Variants in CTNND2 observed in about 807,000 individuals in gnomAD.
CTNND2 encodes the protein catenin delta 2.
Under a neutral mutation model 144.4 loss-of-function variants are expected in CTNND2, and 22 were observed. The observed-to-expected ratio is 0.15, with a 90% CI of 0.11 to 0.22. The LOEUF (loss-of-function observed/expected upper bound fraction) is 0.22, where lower values mean the gene tolerates loss of function less well. CTNND2 is among the 10% of genes least tolerant of loss of function. CTNND2 has a pLI of 1.00. For synonymous variants in CTNND2, 751 were observed against 695.6 expected (o/e 1.08, Z -1.25); for missense variants, 1,353 against 1,618.8 (o/e 0.84, Z 2.82).
At chr5:11,199,881 G>A (rs1008476077) in intron 10 of CTNND2, among the ~76,000 whole-genome samples, 30 of 152,234 alleles carry the variant, frequency 2.0e-4, no homozygotes, top group East Asian at 1.9e-4. Flanking sequence ...TATTTCTTTC[G>A]AACTATAGAA....
At chr5:11,553,860 T>C (rs1037163070) in intron 3 of CTNND2, among the ~76,000 whole-genome samples, 7 of 152,130 alleles carry the variant, frequency 4.6e-5, no homozygotes, top group African/African-American at 7.2e-5. Flanking sequence ...ATTAGTTATA[T>C]TGATTGTTTT....
intron 16 of CTNND2, among the ~76,000 whole-genome samples, chr5:11,037,054 G>T (rs1014042391): frequency 1.3e-5 from 2 of 152,086 alleles, no homozygotes; most frequent in South Asian, 2.1e-4. Context: ...CACAATAATG[G>T]TCAACAATTT....
At chr5:11,035,046 C>A (rs1743921040) in intron 16 of CTNND2, among the ~76,000 whole-genome samples, 1 of 141,592 alleles carries the variant, frequency 7.1e-6, no homozygotes, top group Non-Finnish European at 1.5e-5. Flanking sequence ...CAGCAGTCCC[C>A]AGAGTGTGAT....
chr5:11,644,016 A>T (rs2126514163), intron 2 of CTNND2, among the ~76,000 whole-genome samples: 1 of 152,358 alleles, frequency 6.6e-6, no homozygotes, highest in East Asian at 1.9e-4. Context: ...CATAAAGCAG[A>T]CCAATGATTG....
intron 12 of CTNND2, among the ~76,000 whole-genome samples, chr5:11,157,879 C>T (rs965237081): frequency 6.6e-6 from 1 of 152,172 alleles, no homozygotes; most frequent in Non-Finnish European, 1.5e-5. Flanking sequence ...GATGGGGAGT[C>T]ATTCTGGTCT....
intron 3 of CTNND2, among the ~76,000 whole-genome samples, chr5:11,477,787 G>A (rs953528012): frequency 1.3e-5 from 2 of 152,074 alleles, no homozygotes; most frequent in African/African-American, 2.4e-5. Flanking sequence ...AATCTATGAG[G>A]GATTCCTTTT....
intron 1 of CTNND2, among the ~76,000 whole-genome samples, chr5:11,889,087 T>C (rs1736775159): frequency 6.6e-6 from 1 of 152,158 alleles, no homozygotes; most frequent in Non-Finnish European, 1.5e-5. Context: ...TTTCACGGCA[T>C]GTACCAACCT....
At chr5:11,056,910 C>A (rs1304391176) in intron 16 of CTNND2, among the ~76,000 whole-genome samples, 1 of 152,160 alleles carries the variant, frequency 6.6e-6, no homozygotes, top group Non-Finnish European at 1.5e-5. Flanking sequence ...GATTCAGGAG[C>A]CTTCAGGTCT....
At chr5:11,591,320 A>G (rs141125992) in intron 2 of CTNND2, among the ~76,000 whole-genome samples, 205 of 152,350 alleles carry the variant, frequency 1.3e-3, no homozygotes, top group African/African-American at 4.7e-3. Context: ...AAACTGCAGA[A>G]TAGAATTAAA....
At chr5:11,059,253 C>T (rs1421086915) in intron 16 of CTNND2, among the ~76,000 whole-genome samples, 2 of 152,164 alleles carry the variant, frequency 1.3e-5, no homozygotes, top group African/African-American at 4.8e-5. Context: ...TCCCACAATT[C>T]CCACATGTCA....
rs1738080551 is a variant in CTNND2 at position 11,903,560 on chromosome 5, G to A, written c.37+257C>T. 6.6e-6 allele frequency among the ~76,000 whole-genome samples: 1 copy of A among 152,126 alleles called. No homozygotes were observed. Reference sequence around the variant, plus strand: ...CTCCCGGGGAGATGGGTGGCAGGGAGGGGGAGCACGCAGGGCAGCCACTTG... The same window carrying A: ...CTCCCGGGGAGATGGGTGGCAGGGAAGGGGAGCACGCAGGGCAGCCACTTG... On this transcript the variant is annotated intron_variant, in intron 1 of 21. Transcript: ENST00000304623. This position sits in a 1 kb window ranked among gnomAD's most constrained non-coding sequence, Gnocchi z 5.4.
chr5:11,141,874 A>C (rs1486775101), intron 12 of CTNND2, among the ~76,000 whole-genome samples: 1 of 152,204 alleles, frequency 6.6e-6, no homozygotes, highest in Admixed American at 6.5e-5. Flanking sequence ...CAGTGTTGAG[A>C]AGTGGGAACT....
intron 16 of CTNND2, among the ~76,000 whole-genome samples, chr5:11,051,633 G>T (rs1745836832): frequency 6.6e-6 from 1 of 152,206 alleles, no homozygotes; most frequent in African/African-American, 2.4e-5. Flanking sequence ...TTTCATGAGA[G>T]TTGAGTCATT....
In CTNND2 at chr5:11,369,995, T is replaced by C. The variant is rs115420431; in HGVS notation, c.1178-5105A>G. On this transcript the variant is annotated intron_variant, in intron 7 of 21. Transcript: ENST00000304623. ...CATCTTTAAAAGAAATACCAGTAAG[T>C]ATATGAAATCTTTACGAGTTCATAC... 3.1e-3 allele frequency among the ~76,000 whole-genome samples: 468 copies of C among 152,302 alleles called. 1 individual carries two copies. Among genetic ancestry groups the C allele is most frequent in the Non-Finnish European group, 5.3e-3 (358 of 68,018 alleles).
chr5:11,312,684 A>C (rs1201389885), intron 9 of CTNND2, among the ~76,000 whole-genome samples: 1 of 145,416 alleles, frequency 6.9e-6, no homozygotes, highest in African/African-American at 2.5e-5. Context: ...ACACTCACAC[A>C]CACTCCCCAT....
intron 9 of CTNND2, among the ~76,000 whole-genome samples, chr5:11,277,222 A>T (rs1746629801): frequency 6.6e-6 from 1 of 152,122 alleles, no homozygotes; most frequent in Non-Finnish European, 1.5e-5. Context: ...ACTCAATAGA[A>T]GTTTTGGTTC....
intron 3 of CTNND2, among the ~76,000 whole-genome samples, chr5:11,416,915 T>C (rs558550382): frequency 7.1e-4 from 108 of 152,216 alleles, no homozygotes; most frequent in African/African-American, 2.6e-3. Flanking sequence ...TACCTAAATA[T>C]AAGATCCAGA....
intron 1 of CTNND2, among the ~76,000 whole-genome samples, chr5:11,845,477 T>A (rs1223579087): frequency 6.6e-6 from 1 of 152,120 alleles, no homozygotes; most frequent in African/African-American, 2.4e-5. Context: ...TAGTCCAATA[T>A]GACTAGTGTC....
intron 1 of CTNND2, among the ~76,000 whole-genome samples, chr5:11,848,105 G>A (rs1421780613): frequency 4.6e-5 from 7 of 151,708 alleles, no homozygotes; most frequent in Non-Finnish European, 1.0e-4. Flanking sequence ...CCCTTGCAAG[G>A]CAAAAGTTTG....
Sources: gnomAD v4.1 joint callset for allele counts (sites outside exome capture counted in the v4.1 genomes callset) on GRCh38, gnomAD v4.1.1 for gene constraint, Gnocchi (gnomAD v3.1) non-coding constraint, MANE v1.5 for transcripts, NCBI Gene and HGNC (gene_info 2026-07-23, HGNC 2026-07-21) for gene names.